The following CBLB variants were observed in gnomAD, a reference collection of about 807,000 sequenced individuals.
The protein encoded by CBLB is E3 ubiquitin-protein ligase CBL-B.
A neutral mutation model predicts 104.9 loss-of-function variants in CBLB; 31 were observed. The observed-to-expected ratio is 0.30, with a 90% confidence interval of 0.22 to 0.40. The LOEUF (loss-of-function observed/expected upper bound fraction) is 0.40, where lower values mean the gene tolerates loss of function less well. Ranked by LOEUF, CBLB falls within the 10% of genes least tolerant of loss-of-function variation. The pLI, the probability that CBLB is intolerant of heterozygous loss-of-function variation, is 1.00. For missense variants in CBLB, 1,062 were observed against 1,214.6 expected (o/e 0.87, Z 1.87); for synonymous variants, 440 against 422.6 (o/e 1.04, Z -0.51).
rs546271086 is a variant in CBLB, at chr3:105,665,969, T to C, written c.2689+4264A>G. On this transcript the variant is annotated intron_variant, in intron 18 of 18. Coordinates refer to ENST00000394030, the MANE Select transcript of CBLB (RefSeq NM_170662.5). ...TAAACCCAGGAGGTGGAGGTTGCAG[T>C]GAGCCAAGATCGTGCCACTGCACTC... Among the ~76,000 whole-genome samples, 20 of 151,104 alleles carry C rather than the reference T, an allele frequency of 1.3e-4. No homozygotes were observed. In the East Asian group the frequency reaches 3.3e-3, roughly 25 times the overall value.
At chr3:105,784,896 G>C (rs376787289) in intron 3 of CBLB, among the ~76,000 whole-genome samples, 14 of 152,178 alleles carry the variant, frequency 9.2e-5, no homozygotes, top group South Asian at 4.2e-4. Flanking sequence ...TCTGCTTTCC[G>C]TGAGTTAAGC....
rs550201771 is a variant in CBLB, at chr3:105,683,483, C to CA, written c.2202-1666dup. ...TTTTCAAGATTTGGGAGCTCTGCCA[C>CA]AAAAAATCACATCCAATATGATGTA... On this transcript the variant is annotated intron_variant, in intron 14 of 18. Transcript: ENST00000394030. Among the ~76,000 whole-genome samples the CA allele has an allele frequency of 2.0e-3, 300 of 151,884 alleles. 2 individuals are homozygous for CA. The highest frequency in any genetic ancestry group is 6.6e-3 in the African/African-American group (275 of 41,408).
rs73854378 is a variant in CBLB, at chr3:105,692,542, A to G, written c.2054+952T>C. 4.0e-3 allele frequency among the ~76,000 whole-genome samples: 614 copies of G among 152,288 alleles called. 4 individuals carry two copies. Among genetic ancestry groups the G allele is most frequent in the African/African-American group, 0.014 (581 of 41,560 alleles). ...GTGAAGCACAGGAGGAACAGCATAA[A>G]AATCTCACAAAGTCAGAAAAAACAA... On this transcript the variant is annotated intron_variant, in intron 13 of 18. Transcript: ENST00000394030.
intron 2 of CBLB, among the ~76,000 whole-genome samples, chr3:105,865,743 A>T (rs2092389794): frequency 6.6e-6 from 1 of 152,190 alleles, no homozygotes; most frequent in African/African-American, 2.4e-5. Flanking sequence ...GTCCTAACAC[A>T]AATGTACAAA....
At chr3:105,842,682 C>T (rs2089721384) in intron 3 of CBLB, among the ~76,000 whole-genome samples, 1 of 152,200 alleles carries the variant, frequency 6.6e-6, no homozygotes. Flanking sequence ...TGCCCTTCCC[C>T]TTTCCTGCCT....
At chr3:105,831,360 T>C (rs982332791) in intron 3 of CBLB, among the ~76,000 whole-genome samples, 1 of 152,218 alleles carries the variant, frequency 6.6e-6, no homozygotes, top group African/African-American at 2.4e-5. Context: ...CATTTCCCCA[T>C]TGAAAGGATG....
At chr3:105,684,303 T>C (rs952955530) in intron 14 of CBLB, among the ~76,000 whole-genome samples, 3 of 152,204 alleles carry the variant, frequency 2.0e-5, no homozygotes, top group African/African-American at 7.2e-5. Context: ...CTGGGAGTAC[T>C]GAGTACCTCA....
At position 105,699,321 on chromosome 3, in the gene CBLB, T is replaced by C. The variant is rs180899543; in HGVS notation, c.1959+2773A>G. 4.7e-4 allele frequency among the ~76,000 whole-genome samples: 72 copies of C among 152,294 alleles called. 1 individual carries two copies. The highest frequency in any genetic ancestry group is 1.7e-3 in the African/African-American group (71 of 41,576). On this transcript the variant is annotated intron_variant, in intron 12 of 18. Coordinates refer to ENST00000394030, the MANE Select transcript of CBLB (RefSeq NM_170662.5). ...TTTGACACTCTATGTACAGCTGTTA[T>C]TTTTGGTTTTATTCCTGAACCAAGG...
chr3:105,730,394 G>C (rs1252216531), intron 9 of CBLB, among the ~76,000 whole-genome samples: 5 of 152,028 alleles, frequency 3.3e-5, no homozygotes, highest in African/African-American at 4.8e-5. Flanking sequence ...TCTCAGAAAA[G>C]TATTGTAAGA....
chr3:105,679,336 T>A (rs1292862), intron 16 of CBLB, among the ~76,000 whole-genome samples: 50,062 of 65,100 alleles, frequency 0.77, 17,964 homozygotes, highest in South Asian at 0.8. Context: ...CTTGAGTCTT[T>A]AAAAAAAAAA....
Position 105,745,723 on chromosome 3 carries a change from AT to A in CBLB, c.845+193del, listed in dbSNP as rs535251044. 5.3e-3 allele frequency among the ~76,000 whole-genome samples: 808 copies of A among 152,304 alleles called. 9 individuals are homozygous for A. The highest frequency in any genetic ancestry group is 0.018 in the African/African-American group (767 of 41,566). ...GACCATATCCCCTTTCACTTTATGA[AT>A]ACCAAGTTTCAGAGTAAGCACAATG... On this transcript the variant is annotated intron_variant, in intron 6 of 18. Coordinates refer to ENST00000394030, the MANE Select transcript of CBLB (RefSeq NM_170662.5).
At chr3:105,855,436 G>C (rs2091478123) in intron 2 of CBLB, among the ~76,000 whole-genome samples, 1 of 152,084 alleles carries the variant, frequency 6.6e-6, no homozygotes, top group Admixed American at 6.5e-5. Flanking sequence ...AATTATGGAA[G>C]GTGAAGGATA....
Position 105,829,861 on chromosome 3 carries a change from G to A in CBLB, c.419+23553C>T, listed in dbSNP as rs190919488. ...TTCTTGCTATTGAAAGCCATGATAA[G>A]AAGTGTAAATCATCTATTACATATA... is the stretch of plus-strand genomic sequence containing the variant. On this transcript the variant is annotated intron_variant, in intron 3 of 18. Transcript: ENST00000394030. Among the ~76,000 whole-genome samples, 252 of 152,098 alleles carry A rather than the reference G, an allele frequency of 1.7e-3. 1 individual carries two copies. The highest frequency in any genetic ancestry group is 5.8e-3 in the African/African-American group (241 of 41,482).
At chr3:105,777,437 A>T (rs936002153) in intron 3 of CBLB, among the ~76,000 whole-genome samples, 2 of 152,134 alleles carry the variant, frequency 1.3e-5, no homozygotes, top group South Asian at 4.1e-4. Context: ...AGAGTTTGAG[A>T]CCAGCCTCGG....
At chr3:105,705,706 T>C (rs1055778867) in intron 10 of CBLB, among the ~76,000 whole-genome samples, 1 of 152,232 alleles carries the variant, frequency 6.6e-6, no homozygotes, top group Non-Finnish European at 1.5e-5. Context: ...GACCGTGGTA[T>C]TGTTTATCAG....
chr3:105,781,894 A>G (rs566677446), intron 3 of CBLB, among the ~76,000 whole-genome samples: 1 of 152,282 alleles, frequency 6.6e-6, no homozygotes, highest in African/African-American at 2.4e-5. Flanking sequence ...ACAAGGTGAA[A>G]CAAACTCAAT....
intron 3 of CBLB, among the ~76,000 whole-genome samples, chr3:105,830,437 C>T (rs1369325833): frequency 2.6e-5 from 4 of 152,100 alleles, no homozygotes; most frequent in South Asian, 2.1e-4. Flanking sequence ...TTACAGGAAG[C>T]GTTGGTAACC....
chr3:105,856,506 T>G (rs1577922312), intron 2 of CBLB, among the ~76,000 whole-genome samples: 1 of 152,130 alleles, frequency 6.6e-6, no homozygotes, highest in African/African-American at 2.4e-5. Context: ...GGGCATGATC[T>G]TATATTCTTC....
At chr3:105,868,191 A>G in intron 1 of CBLB, 1 of 1,231,128 alleles carries the variant, frequency 8.1e-7, no homozygotes. Flanking sequence ...CAACGCGGTG[A>G]GTCGTTATTC....
Sources: gnomAD v4.1 joint callset for allele counts (sites outside exome capture counted in the v4.1 genomes callset) on GRCh38, gnomAD v4.1.1 for gene constraint, MANE v1.5 for transcripts, NCBI Gene and HGNC (gene_info 2026-07-23, HGNC 2026-07-21) for gene names.